The following CCBE1 variants were observed in gnomAD, a reference collection of about 807,000 sequenced individuals.
CCBE1 encodes collagen and calcium-binding EGF domain-containing protein 1.
In CCBE1, 37 loss-of-function variants were observed where a neutral mutation model predicts 50.0. The observed-to-expected ratio is 0.74, with a 90% CI of 0.57 to 0.97. The LOEUF (loss-of-function observed/expected upper bound fraction) is 0.97. Ranked by LOEUF, CCBE1 falls within the 50% of genes least tolerant of loss-of-function variation. The pLI is 0.00. For synonymous variants in CCBE1, 234 were observed against 203.7 expected, an observed-to-expected ratio of 1.15 and a Z score of -1.27; for missense variants, 538 against 523.8, an observed-to-expected ratio of 1.03 and a Z score of -0.26.
intron 2 of CCBE1, among the ~76,000 whole-genome samples, chr18:59,661,422 C>T (rs2054283587): frequency 1.3e-5 from 2 of 152,192 alleles, no homozygotes; most frequent in African/African-American, 4.8e-5. Context: ...CATTAGCTGA[C>T]TGTTCTGATG....
At chr18:59,528,211 T>C (rs142834917) in intron 2 of CCBE1, among the ~76,000 whole-genome samples, 4 of 152,316 alleles carry the variant, frequency 2.6e-5, no homozygotes, top group African/African-American at 9.6e-5. Context: ...TGTCTACCTG[T>C]CTTACTTCAA....
At chr18:59,439,503 G>A (rs1312980014) in intron 9 of CCBE1, 40 bp downstream of exon 9, 2 of 1,612,826 alleles carry the variant, frequency 1.2e-6, no homozygotes, top group Non-Finnish European at 8.5e-7. Context: ...AATCGAAAGT[G>A]AGAGACCTTT....
At chr18:59,464,431 G>C (rs1911645844) in intron 5 of CCBE1, among the ~76,000 whole-genome samples, 1 of 152,120 alleles carries the variant, frequency 6.6e-6, no homozygotes, top group Non-Finnish European at 1.5e-5. Flanking sequence ...GCAAGACTCT[G>C]TCTCAAAAAC....
intron 2 of CCBE1, among the ~76,000 whole-genome samples, chr18:59,604,327 T>C (rs1201261666): frequency 1.3e-5 from 2 of 152,164 alleles, no homozygotes; most frequent in African/African-American, 4.8e-5. Context: ...TGGAGTCTGA[T>C]CCCAAGTCTG....
At chr18:59,603,568 G>T (rs1358707994) in intron 2 of CCBE1, among the ~76,000 whole-genome samples, 1 of 152,066 alleles carries the variant, frequency 6.6e-6, no homozygotes, top group Non-Finnish European at 1.5e-5. Context: ...TCATCTTTAA[G>T]TAATTACAGA....
At chr18:59,569,433 A>C (rs1465557356) in intron 2 of CCBE1, among the ~76,000 whole-genome samples, 1 of 152,200 alleles carries the variant, frequency 6.6e-6, no homozygotes, top group African/African-American at 2.4e-5. Flanking sequence ...CTATTCATCA[A>C]TTCCTTTATT....
chr18:59,514,455 C>T (rs921287543), intron 2 of CCBE1, among the ~76,000 whole-genome samples: 2 of 152,046 alleles, frequency 1.3e-5, no homozygotes, highest in African/African-American at 4.8e-5. Context: ...GCAGCCAACA[C>T]CAGCAATCTC....
intron 2 of CCBE1, 136 bp downstream of exon 2, chr18:59,696,493 G>C (rs1007345809): frequency 1.2e-5 from 18 of 1,536,404 alleles, no homozygotes; most frequent in Non-Finnish European, 1.6e-5. Flanking sequence ...CGCACCGCGC[G>C]GCACGCACCC....
chr18:59,547,054 G>GGAGAGAGGGA (rs1568199147), intron 2 of CCBE1, among the ~76,000 whole-genome samples: 5 of 98,578 alleles, frequency 5.1e-5, no homozygotes, highest in African/African-American at 2.1e-4. Context: ...GGAGAGAGGG[G>GGAGAGAGGGA]GAGAGAGGGG....
At chr18:59,635,735 AT>A (rs2053907327) in intron 2 of CCBE1, among the ~76,000 whole-genome samples, 1 of 152,014 alleles carries the variant, frequency 6.6e-6, no homozygotes, top group African/African-American at 2.4e-5. Flanking sequence ...GTATTTTTAG[AT>A]TAAAAAAAAA....
chr18:59,653,839 AG>A (rs2054155194), intron 2 of CCBE1, among the ~76,000 whole-genome samples: 1 of 152,276 alleles, frequency 6.6e-6, no homozygotes, highest in Admixed American at 6.5e-5. Flanking sequence ...TGATGAGAGT[AG>A]GAAATCGTAT....
At chr18:59,685,769 G>A (rs2054645993) in intron 2 of CCBE1, 1 of 152,202 alleles carries the variant, frequency 6.6e-6, no homozygotes, top group South Asian at 2.1e-4. Context: ...ACCTTGCCAG[G>A]AAGAAGTAAA....
chr18:59,479,645 G>A, intron 3 of CCBE1, among the ~76,000 whole-genome samples: 1 of 152,176 alleles, frequency 6.6e-6, no homozygotes, highest in Non-Finnish European at 1.5e-5. Flanking sequence ...GGACATAGAA[G>A]CATGATTAAA....
chr18:59,487,750 C>T lies in CCBE1; in HGVS notation c.213-7512G>A, dbSNP rs115377708. ...CATAACTTGCTAACACGTACAATTACTGATGGTCAAGATCAAATGAGAAAA... is the reference window on the plus strand; with the variant it reads ...CATAACTTGCTAACACGTACAATTATTGATGGTCAAGATCAAATGAGAAAA... On this transcript the variant is annotated intron_variant, in intron 2 of 10. Transcript: ENST00000439986. Among the ~76,000 whole-genome samples, 655 of 152,270 alleles carry T rather than the reference C, an allele frequency of 4.3e-3. 4 individuals carry two copies. The highest frequency in any genetic ancestry group is 0.015 in the African/African-American group (629 of 41,554).
intron 2 of CCBE1, among the ~76,000 whole-genome samples, chr18:59,669,762 T>A (rs1286036146): frequency 6.6e-6 from 1 of 152,150 alleles, no homozygotes; most frequent in Non-Finnish European, 1.5e-5. Context: ...GGTGGTACAA[T>A]GAGAAGTACC....
chr18:59,450,541 A>G (rs1234779606), intron 6 of CCBE1, among the ~76,000 whole-genome samples: 1 of 151,832 alleles, frequency 6.6e-6, no homozygotes, highest in African/African-American at 2.4e-5. Context: ...TCACTTTTTA[A>G]ATTTTGTTTT....
chr18:59,614,167 C>G (rs543685680), intron 2 of CCBE1, among the ~76,000 whole-genome samples: 10 of 152,004 alleles, frequency 6.6e-5, no homozygotes, highest in African/African-American at 2.4e-4. Flanking sequence ...CGCCATGCCC[C>G]GCTAATTTTT....
chr18:59,521,974 C>T (rs1401546233), intron 2 of CCBE1, among the ~76,000 whole-genome samples: 1 of 152,158 alleles, frequency 6.6e-6, no homozygotes, highest in African/African-American at 2.4e-5. Context: ...TGCCTATACA[C>T]AATAAACAAA....
At chr18:59,672,216 T>C (rs1301269624) in intron 2 of CCBE1, among the ~76,000 whole-genome samples, 1 of 152,174 alleles carries the variant, frequency 6.6e-6, no homozygotes, top group Admixed American at 6.5e-5. Context: ...AGGAGGATCA[T>C]GATCCATGGG....
Sources: allele counts gnomAD v4.1 joint callset (sites outside exome capture counted in the v4.1 genomes callset), GRCh38; gene constraint gnomAD v4.1.1; transcripts MANE v1.5; gene names NCBI Gene and HGNC (gene_info 2026-07-23, HGNC 2026-07-21).